Variants in CHST15 observed in about 807,000 individuals in gnomAD.
CHST15 encodes the protein B cell RAG associated protein (GALNAC4S-6ST).
CHST15 carries 30 observed loss-of-function variants against 53.6 expected under a neutral mutation model. The ratio of observed to expected loss-of-function variants is 0.56; its 90% CI spans 0.42 to 0.76. The LOEUF is 0.76. Among genes scored for constraint, CHST15 ranks in the 30% least tolerant of loss-of-function variants. The pLI, the probability that CHST15 is intolerant of heterozygous loss-of-function variation, is 0.00. For synonymous variants in CHST15, 296 were observed against 289.8 expected (o/e 1.02, Z -0.22); for missense variants, 627 against 740.5 (o/e 0.85, Z 1.78).
chr10:124,086,128 AT>A (rs1451076952), intron 1 of CHST15, among the ~76,000 whole-genome samples: 1 of 152,226 alleles, frequency 6.6e-6, no homozygotes, highest in African/African-American at 2.4e-5. Flanking sequence ...ATGGATCACC[AT>A]TACCTCAATC....
intron 1 of CHST15, among the ~76,000 whole-genome samples, chr10:124,081,870 G>C (rs1400656426): frequency 6.6e-6 from 1 of 152,144 alleles, no homozygotes; most frequent in Non-Finnish European, 1.5e-5. Context: ...AATGTATCCT[G>C]GAGTCACAAT....
At chr10:124,080,095 T>C (rs1392439434) in intron 1 of CHST15, among the ~76,000 whole-genome samples, 1 of 152,150 alleles carries the variant, frequency 6.6e-6, no homozygotes, top group Non-Finnish European at 1.5e-5. Context: ...CTAGCCCTGT[T>C]TTCTGAAACT....
intron 1 of CHST15, among the ~76,000 whole-genome samples, chr10:124,078,975 G>A (rs571041724): frequency 2.0e-5 from 3 of 152,244 alleles, no homozygotes; most frequent in Non-Finnish European, 4.4e-5. Context: ...AAAAGTATGA[G>A]GCAGCATATA....
chr10:124,064,340 T>C lies in CHST15; in HGVS notation c.-512-17616A>G, dbSNP rs549502049. Among the ~76,000 whole-genome samples the C allele has an allele frequency of 2.6e-5, 4 of 152,352 alleles. No homozygotes were observed. The East Asian group carries it at 7.7e-4, about 29-fold the overall frequency. ...GAAGTCATTTCAGATTAAGTAAGAA[T>C]TTCGCTTGATGCAGTCAAAGTGCCT... On this transcript the variant is annotated intron_variant, in intron 1 of 7. Transcript: ENST00000435907.
chr10:124,035,105 A>T (rs1947415579), intron 5 of CHST15, among the ~76,000 whole-genome samples: 1 of 120,428 alleles, frequency 8.3e-6, no homozygotes. Flanking sequence ...CCTAACAGGG[A>T]CCCCGGCTCC....
chr10:124,083,117 A>G (rs897898976), intron 1 of CHST15, among the ~76,000 whole-genome samples: 4 of 152,208 alleles, frequency 2.6e-5, no homozygotes, highest in African/African-American at 9.7e-5. Flanking sequence ...GTTAAAGAAG[A>G]ATAGATTGAA....
intron 1 of CHST15, among the ~76,000 whole-genome samples, chr10:124,089,250 C>G (rs746193440): frequency 7.9e-5 from 12 of 152,236 alleles, no homozygotes; most frequent in Non-Finnish European, 1.6e-4. Flanking sequence ...GAGAAGTCCG[C>G]TGGCTGATTG....
intron 1 of CHST15, among the ~76,000 whole-genome samples, chr10:124,075,801 C>G (rs985089537): frequency 2.0e-5 from 3 of 152,182 alleles, no homozygotes; most frequent in African/African-American, 7.2e-5. Context: ...TGAGTCTGGG[C>G]CAGCCTGCAG....
At chr10:124,080,232 C>T (rs1949192752) in intron 1 of CHST15, among the ~76,000 whole-genome samples, 1 of 152,170 alleles carries the variant, frequency 6.6e-6, no homozygotes, top group Non-Finnish European at 1.5e-5. Flanking sequence ...CCCAGGCGTC[C>T]AATAAACCAA....
At chr10:124,037,670 C>T (rs1294470179) in intron 5 of CHST15, among the ~76,000 whole-genome samples, 1 of 152,228 alleles carries the variant, frequency 6.6e-6, no homozygotes, top group Non-Finnish European at 1.5e-5. Context: ...CCAGGCCGCC[C>T]CATAGTGGCT....
At chr10:124,013,085 C>T (rs532891339) in intron 6 of CHST15, among the ~76,000 whole-genome samples, 1 of 152,194 alleles carries the variant, frequency 6.6e-6, no homozygotes, top group Non-Finnish European at 1.5e-5. Context: ...TCGTGCCTTA[C>T]TGCAAGCCGT....
intron 5 of CHST15, among the ~76,000 whole-genome samples, chr10:124,034,872 TC>T (rs1947390275): frequency 2.2e-5 from 1 of 45,714 alleles, no homozygotes; most frequent in Admixed American, 2.5e-4. Flanking sequence ...CTGGCTCTAC[TC>T]CCTAACAGGG....
intron 2 of CHST15, 24 bp from the exon 3 acceptor site, chr10:124,044,943 G>A (rs1947909304): frequency 1.4e-6 from 2 of 1,393,906 alleles, no homozygotes; most frequent in African/African-American, 3.0e-5. Flanking sequence ...GAGGAGGAGA[G>A]ACACAGAGGA....
At chr10:124,011,599 T>C (rs1946417914) in intron 7 of CHST15, 1 of 985,440 alleles carries the variant, frequency 1.0e-6, no homozygotes, top group Non-Finnish European at 1.2e-6. Flanking sequence ...AAGCCATCCC[T>C]CGGTGCCCCG....
rs1328905238 is a variant in CHST15 at position 124,044,703 on chromosome 10, G to A, written c.763C>T (p.His255Tyr). The A allele has an allele frequency of 6.2e-7, 1 of 1,613,794 alleles. No homozygotes were observed. Residue 255 changes from histidine (H) to tyrosine (Y), a missense_variant, in exon 3 of 8, where the codon CAC becomes TAC. Coordinates refer to ENST00000435907, the MANE Select transcript of CHST15 (RefSeq NM_001270764.2). Reference protein sequence around the residue: ...GKHFRLRCLPHFYIIGQPKCG... With the variant: ...GKHFRLRCLPYFYIIGQPKCG... ...TTGGGCTGCCCTATGATGTAGAAGT[G>A]CGGCAGGCAGCGCAGGCGGAAGTGC... is the stretch of plus-strand genomic sequence containing the variant.
At chr10:124,034,184 T>C (rs1028557336) in intron 5 of CHST15, among the ~76,000 whole-genome samples, 8 of 152,192 alleles carry the variant, frequency 5.3e-5, no homozygotes, top group Non-Finnish European at 1.2e-4. Flanking sequence ...GGGCTGAATA[T>C]GTGTTTGAAT....
At chr10:124,071,237 G>C (rs558299013) in intron 1 of CHST15, among the ~76,000 whole-genome samples, 1 of 152,228 alleles carries the variant, frequency 6.6e-6, no homozygotes, top group Non-Finnish European at 1.5e-5. Flanking sequence ...GCACTACCTG[G>C]AGGGAACGGG....
rs77378057 is a variant in CHST15 at position 124,019,315 on chromosome 10, C to G, written c.1347+1941G>C. Among the ~76,000 whole-genome samples the G allele has an allele frequency of 8.5e-5, 13 of 152,136 alleles. No homozygotes were observed. The highest frequency in any genetic ancestry group is 2.9e-4 in the African/African-American group (12 of 41,430). The stretch of plus-strand genomic sequence containing the variant: ...GCCCTCAGGGAGCTGCCTTGAGGAC[C>G]GGGTGGGCTGCCCTGCCTGCTCTCT... On this transcript the variant is annotated intron_variant, in intron 6 of 7. Transcript: ENST00000435907. This position sits in a 1 kb window ranked among gnomAD's most constrained non-coding sequence, Gnocchi z 4.6.
At chr10:124,013,829 CT>C (rs1193910143) in intron 6 of CHST15, among the ~76,000 whole-genome samples, 1 of 152,216 alleles carries the variant, frequency 6.6e-6, no homozygotes, top group African/African-American at 2.4e-5. Flanking sequence ...CTATCTGTGT[CT>C]GCCCAGAACT....
Sources: allele counts gnomAD v4.1 joint callset (sites outside exome capture counted in the v4.1 genomes callset), GRCh38; gene constraint gnomAD v4.1.1; non-coding constraint Gnocchi (gnomAD v3.1); transcripts MANE v1.5; gene names NCBI Gene and HGNC (gene_info 2026-07-23, HGNC 2026-07-21).